Variants in LAPTM4B observed in about 807,000 individuals in gnomAD.
LAPTM4B encodes the protein lysosomal-associated transmembrane protein 4B.
A neutral mutation model predicts 28.5 loss-of-function variants in LAPTM4B; 26 were observed. The ratio of observed to expected loss-of-function variants is 0.91; its 90% confidence interval spans 0.67 to 1.27. The LOEUF is 1.27. Among genes scored for constraint, LAPTM4B ranks in the 50% most tolerant of loss-of-function variants. The pLI, the probability that LAPTM4B is intolerant of heterozygous loss-of-function variation, is 0.00. For missense variants in LAPTM4B, 288 were observed against 285.8 expected (o/e 1.01, Z -0.06); for synonymous variants, 109 against 106.4 (o/e 1.02, Z -0.15).
intron 1 of LAPTM4B, among the ~76,000 whole-genome samples, chr8:97,803,888 C>A (rs896020308): frequency 6.6e-6 from 1 of 152,184 alleles, no homozygotes; most frequent in African/African-American, 2.4e-5. Flanking sequence ...ACTGATCTTC[C>A]CACCTCAGCC....
chr8:97,830,275 C>A lies in LAPTM4B; in HGVS notation c.603+5122C>A, dbSNP rs187634720. Among the ~76,000 whole-genome samples, 380 of 152,098 alleles carry A rather than the reference C, an allele frequency of 2.5e-3. 1 individual carries two copies. The highest frequency in any genetic ancestry group is 8.2e-3 in the African/African-American group (340 of 41,502). On this transcript the variant is annotated intron_variant, in intron 6 of 6. Coordinates refer to ENST00000521545, the MANE Select transcript of LAPTM4B (RefSeq NM_018407.6). ...GGGTAGCAGGAGAACGGGAGTGAGACCCAAAGTGAGTAGAAAAGAACTTCA... is the reference window on the plus strand; with the variant it reads ...GGGTAGCAGGAGAACGGGAGTGAGAACCAAAGTGAGTAGAAAAGAACTTCA...
intron 6 of LAPTM4B, among the ~76,000 whole-genome samples, chr8:97,834,259 G>A (rs543775306): frequency 2.6e-5 from 4 of 152,048 alleles, no homozygotes; most frequent in Non-Finnish European, 4.4e-5. Flanking sequence ...AGCTGTGATC[G>A]TGCCACTGCA....
In LAPTM4B at chr8:97,852,321, A is replaced by G. The variant is rs150069668; in HGVS notation, c.*847A>G. 3.0e-3 allele frequency: 458 copies of G among 152,426 alleles called. 3 individuals carry two copies. The highest frequency in any genetic ancestry group is 0.01 in the African/African-American group (416 of 41,572). The allele number at this position is 152,426 out of a possible 1,614,324, so 9.4% of individuals were successfully genotyped here. A position where few individuals can be genotyped will look rare whatever the true frequency, so the allele number is the denominator to read the frequency against. ...AGTGGAATTGGGATATATTTGATAT[A>G]CTTCTGCCTAACAACATGGAAAAGG... On this transcript the variant is annotated 3_prime_UTR_variant, in exon 7 of 7. Transcript: ENST00000521545.
At chr8:97,841,602 A>G (rs1029660155) in intron 6 of LAPTM4B, among the ~76,000 whole-genome samples, 14 of 152,228 alleles carry the variant, frequency 9.2e-5, no homozygotes, top group African/African-American at 3.1e-4. Flanking sequence ...TGCTGGGATT[A>G]CAGGCGTGAG....
intron 1 of LAPTM4B, among the ~76,000 whole-genome samples, chr8:97,801,275 G>A (rs906688819): frequency 1.3e-5 from 2 of 151,076 alleles, no homozygotes; most frequent in Admixed American, 1.3e-4. Context: ...GCCCCCCACT[G>A]GGTTCAAGCG....
At chr8:97,783,059 C>T (rs1816347313) in intron 1 of LAPTM4B, among the ~76,000 whole-genome samples, 1 of 143,912 alleles carries the variant, frequency 6.9e-6, no homozygotes, top group Non-Finnish European at 1.5e-5. Context: ...AAGTGTGAGC[C>T]ACCGCGCCCG....
intron 1 of LAPTM4B, among the ~76,000 whole-genome samples, chr8:97,789,094 A>G (rs2129736481): frequency 6.9e-6 from 1 of 144,318 alleles, no homozygotes. Flanking sequence ...TTATTTTGAG[A>G]CGGAGTTTTG....
chr8:97,847,673 T>C (rs867763761), intron 6 of LAPTM4B, among the ~76,000 whole-genome samples: 1 of 152,178 alleles, frequency 6.6e-6, no homozygotes, highest in South Asian at 2.1e-4. Flanking sequence ...CAGTAGAAAC[T>C]GTGGCAATGC....
intron 5 of LAPTM4B, among the ~76,000 whole-genome samples, chr8:97,819,939 G>A (rs1442995606): frequency 2.6e-5 from 4 of 152,152 alleles, no homozygotes; most frequent in Non-Finnish European, 4.4e-5. Flanking sequence ...GTTTCACTGT[G>A]TTAGCCAGGA....
At chr8:97,845,723 ATGGAAAATT>A (rs1267733595) in intron 6 of LAPTM4B, among the ~76,000 whole-genome samples, 1 of 152,054 alleles carries the variant, frequency 6.6e-6, no homozygotes, top group Non-Finnish European at 1.5e-5. Context: ...AAACACATAG[ATGGAAAATT>A]TGGCCTGCAA....
chr8:97,779,659 C>T (rs1157317086), intron 1 of LAPTM4B, among the ~76,000 whole-genome samples: 2 of 151,370 alleles, frequency 1.3e-5, no homozygotes, highest in Admixed American at 1.3e-4. Context: ...GTGGCATGCG[C>T]CTGTAATCCC....
At chr8:97,819,513 C>T (rs1258669328) in intron 5 of LAPTM4B, among the ~76,000 whole-genome samples, 1 of 152,128 alleles carries the variant, frequency 6.6e-6, no homozygotes, top group Non-Finnish European at 1.5e-5. Context: ...ACGTCTGTTA[C>T]AAGGTCTGTG....
At chr8:97,811,407 T>C (rs1816824312) in intron 2 of LAPTM4B, among the ~76,000 whole-genome samples, 1 of 152,174 alleles carries the variant, frequency 6.6e-6, no homozygotes, top group Non-Finnish European at 1.5e-5. Context: ...AATGGCAGAA[T>C]GGGCAAAAAT....
chr8:97,837,591 G>T (rs541735412), intron 6 of LAPTM4B, among the ~76,000 whole-genome samples: 4 of 152,056 alleles, frequency 2.6e-5, no homozygotes, highest in East Asian at 1.9e-4. Flanking sequence ...TTTCCAAAAT[G>T]GTTTGAAGAA....
At chr8:97,844,374 A>G (rs920371764) in intron 6 of LAPTM4B, among the ~76,000 whole-genome samples, 3 of 152,072 alleles carry the variant, frequency 2.0e-5, no homozygotes, top group African/African-American at 7.2e-5. Context: ...TGGGATTACA[A>G]ATGTGAGCTT....
intron 6 of LAPTM4B, among the ~76,000 whole-genome samples, chr8:97,828,406 A>T (rs2512023): frequency 5.9e-5 from 9 of 151,788 alleles, no homozygotes; most frequent in Admixed American, 5.9e-4. Context: ...TTGTATGAAC[A>T]GAGAGATTAG....
Position 97,775,833 on chromosome 8 carries a change from C to G in LAPTM4B, c.-177C>G, listed in dbSNP as rs760759937. On this transcript the variant is annotated 5_prime_UTR_variant, in exon 1 of 7. Transcript: ENST00000521545. ...CGCCTTCGGAGCGAAGGGTACCGAC[C>G]CGGCAGAAGCTCGGAGCTCTCGGGG... 1.9e-6 allele frequency: 3 copies of G among 1,549,546 alleles called. No homozygotes were observed. The highest frequency in any genetic ancestry group is 2.7e-5 in the African/African-American group (2 of 73,184).
intron 1 of LAPTM4B, 118 bp downstream of exon 1, chr8:97,776,226 A>G: frequency 2.5e-6 from 3 of 1,200,150 alleles, no homozygotes. Context: ...TTGTATTATT[A>G]GAAACTTAAT....
At chr8:97,846,593 C>T (rs1817437791) in intron 6 of LAPTM4B, among the ~76,000 whole-genome samples, 1 of 152,098 alleles carries the variant, frequency 6.6e-6, no homozygotes, top group African/African-American at 2.4e-5. Flanking sequence ...TCCCAGAGTA[C>T]TGGAATTACA....
Sources: gnomAD v4.1 joint callset for allele counts (sites outside exome capture counted in the v4.1 genomes callset) on GRCh38, gnomAD v4.1.1 for gene constraint, MANE v1.5 for transcripts, NCBI Gene and HGNC (gene_info 2026-07-23, HGNC 2026-07-21) for gene names.